The following VWA8 variants were observed in gnomAD, a reference collection of about 807,000 sequenced individuals.
The protein encoded by VWA8 is von Willebrand factor A domain-containing protein 8.
A neutral mutation model predicts 241.5 loss-of-function variants in VWA8; 221 were observed. The observed-to-expected ratio is 0.91, with a 90% CI of 0.82 to 1.02. The LOEUF (loss-of-function observed/expected upper bound fraction) is 1.02, where lower values mean the gene tolerates loss of function less well. VWA8 is among the 50% of genes least tolerant of loss of function. The pLI, the probability that VWA8 is intolerant of heterozygous loss-of-function variation, is 0.00. For missense variants in VWA8, 2,322 were observed against 2,328.7 expected, an observed-to-expected ratio of 1.00 and a Z score of 0.06; for synonymous variants, 852 against 827.1, an observed-to-expected ratio of 1.03 and a Z score of -0.52.
intron 12 of VWA8, chr13:41,865,457 C>G (rs1335003673): frequency 2.9e-6 from 1 of 348,510 alleles, no homozygotes; most frequent in Non-Finnish European, 5.4e-6. Flanking sequence ...ATCAACCTCT[C>G]TTCACTCCTC....
chr13:41,723,504 G>C (rs1476361141), intron 24 of VWA8, among the ~76,000 whole-genome samples: 13 of 152,170 alleles, frequency 8.5e-5, no homozygotes, highest in Admixed American at 8.5e-4. Flanking sequence ...CCCATTAGGG[G>C]ACTATTTGAA....
chr13:41,680,741 T>C (rs545906729), intron 35 of VWA8, among the ~76,000 whole-genome samples: 155 of 152,312 alleles, frequency 1.0e-3, no homozygotes, highest in Admixed American at 2.5e-3. Context: ...ATTCTGCTCC[T>C]AAATATGTTC....
chr13:41,679,786 C>T (rs2045085306), intron 35 of VWA8, among the ~76,000 whole-genome samples: 1 of 152,170 alleles, frequency 6.6e-6, no homozygotes, highest in Non-Finnish European at 1.5e-5. Context: ...CAGAGATCTA[C>T]ATGCACATAG....
At chr13:41,617,037 A>C (rs1454694919) in intron 37 of VWA8, among the ~76,000 whole-genome samples, 1 of 152,184 alleles carries the variant, frequency 6.6e-6, no homozygotes, top group Non-Finnish European at 1.5e-5. Context: ...ACAAAACAAA[A>C]CAAAAAAACT....
intron 37 of VWA8, among the ~76,000 whole-genome samples, chr13:41,657,600 C>T (rs904118529): frequency 1.3e-5 from 2 of 151,944 alleles, no homozygotes; most frequent in South Asian, 2.1e-4. Context: ...CGCCATTCTC[C>T]CGCCTCAGCC....
rs146325541 is a variant in VWA8 at position 41,865,918 on chromosome 13, C to A, written c.1331G>T (p.Cys444Phe). 11 of 1,614,184 alleles carry A rather than the reference C, an allele frequency of 6.8e-6. No homozygotes were observed. The African/African-American group carries it at 1.5e-4, about 22-fold the overall frequency. The change falls in exon 11 of 45, where the codon TGT (cysteine) becomes TTT (phenylalanine). Residue 444 changes from cysteine to phenylalanine, a missense_variant. Coordinates refer to ENST00000379310, the MANE Select transcript of VWA8 (RefSeq NM_015058.2). ...MMQSHMVKDI[C>F]LIGGKGCGKT... ...CATTCTTACCTTTCCTCCAATTAAACATATATCTTTAACCATGTGAGACTG... is the reference window on the plus strand; with the variant it reads ...CATTCTTACCTTTCCTCCAATTAAAAATATATCTTTAACCATGTGAGACTG...
At chr13:41,716,565 T>C (rs996216451) in intron 26 of VWA8, among the ~76,000 whole-genome samples, 1 of 152,030 alleles carries the variant, frequency 6.6e-6, no homozygotes, top group Non-Finnish European at 1.5e-5. Context: ...AATTCCCCCT[T>C]CTAAAACATC....
At chr13:41,716,534 T>C (rs1163467830) in intron 26 of VWA8, among the ~76,000 whole-genome samples, 2 of 152,088 alleles carry the variant, frequency 1.3e-5, no homozygotes, top group Non-Finnish European at 2.9e-5. Flanking sequence ...TGGTTTAGCA[T>C]TATCTTGGCC....
intron 23 of VWA8, 45 bp from the exon 24 acceptor site, chr13:41,727,358 C>A: frequency 8.3e-7 from 1 of 1,201,104 alleles, no homozygotes; most frequent in Non-Finnish European, 1.1e-6. Context: ...TTTAATAATT[C>A]TTAAAAATAT....
At chr13:41,841,850 TATATATATAA>T (rs1384643014) in intron 12 of VWA8, among the ~76,000 whole-genome samples, 1,868 of 75,728 alleles carry the variant, frequency 0.025, 112 homozygotes, top group Middle Eastern at 0.035. Context: ...TATATATATA[TATATATATAA>T]AAACAGTAGA....
chr13:41,634,037 G>A (rs1444770659), intron 37 of VWA8, among the ~76,000 whole-genome samples: 1 of 152,162 alleles, frequency 6.6e-6, no homozygotes, highest in Non-Finnish European at 1.5e-5. Flanking sequence ...TGTCTTGGGA[G>A]GTTGAGGGCT....
At chr13:41,617,431 AAAT>A (rs1166474452) in intron 37 of VWA8, among the ~76,000 whole-genome samples, 1 of 152,060 alleles carries the variant, frequency 6.6e-6, no homozygotes, top group Non-Finnish European at 1.5e-5. Context: ...ATTTTTTTTT[AAAT>A]AATAAGAAGA....
At chr13:41,639,241 A>G (rs886746006) in intron 37 of VWA8, among the ~76,000 whole-genome samples, 2 of 151,952 alleles carry the variant, frequency 1.3e-5, no homozygotes, top group African/African-American at 4.8e-5. Context: ...ATAACCATCT[A>G]TTTGGAAATT....
chr13:41,846,685 A>G (rs779596407), intron 12 of VWA8, among the ~76,000 whole-genome samples: 2 of 152,242 alleles, frequency 1.3e-5, no homozygotes, highest in Non-Finnish European at 2.9e-5. Context: ...TAAAGTTAAT[A>G]TTAAAGCAGG....
intron 33 of VWA8, among the ~76,000 whole-genome samples, 163 bp from the exon 34 acceptor site, chr13:41,689,671 T>C (rs1176751446): frequency 6.6e-6 from 1 of 152,128 alleles, no homozygotes; most frequent in Non-Finnish European, 1.5e-5. Flanking sequence ...AATGCTGTTT[T>C]TATAATCAAG....
chr13:41,959,381 C>T (rs1878484317), intron 1 of VWA8, among the ~76,000 whole-genome samples: 1 of 151,532 alleles, frequency 6.6e-6, no homozygotes, highest in Non-Finnish European at 1.5e-5. Flanking sequence ...TATACTTCCA[C>T]CTTTGACCTC....
At chr13:41,959,493 C>CAAAAAAAAA (rs59960898) in intron 1 of VWA8, among the ~76,000 whole-genome samples, 5 of 76,468 alleles carry the variant, frequency 6.5e-5, no homozygotes, top group Non-Finnish European at 9.9e-5. Context: ...TGAGAAAAAG[C>CAAAAAAAAA]AAAAAAAAAA....
intron 2 of VWA8, among the ~76,000 whole-genome samples, chr13:41,941,113 T>C (rs1877576282): frequency 6.6e-6 from 1 of 152,180 alleles, no homozygotes; most frequent in Non-Finnish European, 1.5e-5. Context: ...GATGACTTGC[T>C]CTCAGCCAGT....
intron 12 of VWA8, among the ~76,000 whole-genome samples, chr13:41,842,030 T>C (rs1380278158): frequency 6.6e-6 from 1 of 151,130 alleles, no homozygotes; most frequent in African/African-American, 2.4e-5. Context: ...ACCAGTAGTA[T>C]AAACAAGAAG....
Sources: gnomAD v4.1 joint callset for allele counts (sites outside exome capture counted in the v4.1 genomes callset) on GRCh38, gnomAD v4.1.1 for gene constraint, MANE v1.5 for transcripts, NCBI Gene and HGNC (gene_info 2026-07-23, HGNC 2026-07-21) for gene names.